ANKS3: variants seen among roughly 807,000 people sequenced by gnomAD.
ANKS3 encodes ankyrin repeat and SAM domain-containing protein 3.
In ANKS3, 62 loss-of-function variants were observed where a neutral mutation model predicts 80.7. The ratio of observed to expected loss-of-function variants is 0.77; its 90% CI spans 0.63 to 0.95. The LOEUF (loss-of-function observed/expected upper bound fraction) is 0.95, where lower values mean the gene tolerates loss of function less well. ANKS3 is among the 40% of genes least tolerant of loss of function. The pLI is 0.00. For missense variants in ANKS3, 1,150 were observed against 883.6 expected (o/e 1.30, Z -3.82); for synonymous variants, 489 against 355.3 (o/e 1.38, Z -4.23).
intron 7 of ANKS3, among the ~76,000 whole-genome samples, chr16:4,711,695 G>A (rs1253865483): frequency 1.3e-5 from 2 of 148,638 alleles, no homozygotes; most frequent in African/African-American, 5.0e-5. Context: ...TCCAGCCTGG[G>A]GAACAAGAGT....
Position 4,698,374 on chromosome 16 carries a change from G to A in ANKS3, c.1724+53C>T, listed in dbSNP as rs2079697093. On this transcript the variant is annotated intron_variant, in intron 14 of 17. Coordinates refer to ENST00000304283, the MANE Select transcript of ANKS3 (RefSeq NM_133450.4). ...GGAAAGGATGTGTGGGGGCCCAGGG[G>A]CCAGGTGGCTGACCACTGGAGACCC... is the stretch of plus-strand genomic sequence containing the variant. 1.9e-5 allele frequency: 27 copies of A among 1,437,572 alleles called. No homozygotes were observed. The South Asian group carries it at 3.2e-4, about 17-fold the overall frequency. 89.1% of individuals were successfully genotyped at this position (1,437,572 alleles called of 1,614,324 possible).
intron 6 of ANKS3, among the ~76,000 whole-genome samples, chr16:4,716,230 G>A (rs865932689): frequency 6.6e-6 from 1 of 151,620 alleles, no homozygotes; most frequent in Non-Finnish European, 1.5e-5. Context: ...CGTGGTGGTG[G>A]GCACCTGCAG....
intron 1 of ANKS3, 41 bp downstream of exon 1, chr16:4,733,897 G>A (rs893537749): frequency 1.0e-5 from 10 of 984,816 alleles, no homozygotes; most frequent in Non-Finnish European, 1.2e-5. Flanking sequence ...GTAGCTCACT[G>A]GCCCCGGGGC....
chr16:4,708,789 T>G (rs1438907922), intron 7 of ANKS3, among the ~76,000 whole-genome samples: 1 of 150,934 alleles, frequency 6.6e-6, no homozygotes, highest in Admixed American at 6.6e-5. Flanking sequence ...AAAAAAAAAA[T>G]TAGCCAGGTG....
rs1299840683 is a variant in ANKS3 at position 4,731,583 on chromosome 16, T to C, written c.-70-4A>G. 2.2e-6 allele frequency: 2 copies of C among 915,382 alleles called. No individual in the cohort carries two copies. Among genetic ancestry groups the C allele is most frequent in the African/African-American group, 1.8e-5 (1 of 55,898 alleles). 56.7% of individuals were successfully genotyped at this position (915,382 alleles called of 1,614,324 possible). The stretch of plus-strand genomic sequence containing the variant: ...GGCGTGAGCCACTGCACCTGGCCTG[T>C]AAATTTTAAATATAAATTAATTTTT... On this transcript the variant is annotated splice_region_variant and splice_polypyrimidine_tract_variant and intron_variant, in intron 1 of 17. Transcript: ENST00000304283.
rs144235548 is a variant in ANKS3 at position 4,705,580 on chromosome 16, T to C, written c.710-327A>G. 3.9e-3 allele frequency among the ~76,000 whole-genome samples: 597 copies of C among 152,128 alleles called. 3 individuals carry two copies. The highest frequency in any genetic ancestry group is 0.014 in the African/African-American group (564 of 41,544). ...CCTGGGTTCTAGCGATTCTCACGCC[T>C]CACCCTTCCAAGTAGCTGCGGTTAC... On this transcript the variant is annotated intron_variant, in intron 7 of 17. Coordinates refer to ENST00000304283, the MANE Select transcript of ANKS3 (RefSeq NM_133450.4).
chr16:4,714,990 C>CAAAAAAAAAAAAAAAAAAAA (rs753327026), intron 6 of ANKS3, among the ~76,000 whole-genome samples: 2 of 36,626 alleles, frequency 5.5e-5, no homozygotes, highest in African/African-American at 3.0e-4. Flanking sequence ...GACTCTGTCT[C>CAAAAAAAAAAAAAAAAAAAA]AAAAAAAAAA....
intron 7 of ANKS3, among the ~76,000 whole-genome samples, chr16:4,710,417 T>C (rs1418334256): frequency 6.6e-6 from 1 of 152,134 alleles, no homozygotes; most frequent in Non-Finnish European, 1.5e-5. Context: ...ATGAGATAAA[T>C]ATTTTCCAGG....
chr16:4,707,055 G>A (rs2080231810), intron 7 of ANKS3, among the ~76,000 whole-genome samples: 1 of 152,140 alleles, frequency 6.6e-6, no homozygotes, highest in Admixed American at 6.5e-5. Flanking sequence ...AGCACTCCAG[G>A]GAGACTGTGC....
intron 1 of ANKS3, among the ~76,000 whole-genome samples, 176 bp downstream of exon 1, chr16:4,733,761 AC>A (rs1441902990): frequency 2.6e-5 from 4 of 152,192 alleles, no homozygotes; most frequent in Non-Finnish European, 5.9e-5. Context: ...CTACGTACCC[AC>A]AAAAATTAAA....
intron 7 of ANKS3, among the ~76,000 whole-genome samples, chr16:4,706,767 G>A (rs193032563): frequency 8.9e-4 from 136 of 152,282 alleles, no homozygotes; most frequent in African/African-American, 3.1e-3. Flanking sequence ...TGGGTAAGCT[G>A]GGGCAGAAAT....
chr16:4,705,611 C>T (rs1040453328), intron 7 of ANKS3, among the ~76,000 whole-genome samples: 9 of 151,938 alleles, frequency 5.9e-5, no homozygotes, highest in South Asian at 2.1e-4. Flanking sequence ...GTTACAGATG[C>T]GTGCCACCAT....
At chr16:4,720,120 C>G (rs2081010943) in intron 6 of ANKS3, among the ~76,000 whole-genome samples, 1 of 136,130 alleles carries the variant, frequency 7.3e-6, no homozygotes, top group South Asian at 2.4e-4. Context: ...TGAGATCACA[C>G]CACTGTACTC....
At position 4,701,568 on chromosome 16, in the gene ANKS3, C is replaced by T. The variant is rs765469572; in HGVS notation, c.1010-25G>A. ...TCTGAGGGCGGGAAGACAGGGCGTC[C>T]GCCTGCAGCCCTCACCGAGGTGCTG... On this transcript the variant is annotated intron_variant, in intron 9 of 17. Transcript: ENST00000304283. 44 of 1,588,934 alleles carry T rather than the reference C, an allele frequency of 2.8e-5. No homozygotes were observed. In the African/African-American group the frequency reaches 4.2e-4, roughly 15 times the overall value.
intron 6 of ANKS3, among the ~76,000 whole-genome samples, chr16:4,721,629 T>TATTTATTG (rs1555474786): frequency 7.9e-5 from 4 of 50,822 alleles, no homozygotes; most frequent in Middle Eastern, 0.019. Context: ...TTTATTGATT[T>TATTTATTG]ATTTATTTAT....
At chr16:4,728,262 G>C (rs1002134849) in intron 3 of ANKS3, among the ~76,000 whole-genome samples, 1 of 152,130 alleles carries the variant, frequency 6.6e-6, no homozygotes, top group Non-Finnish European at 1.5e-5. Flanking sequence ...AGCCAGGATG[G>C]TCTCGATCTC....
chr16:4,699,614 C>T (rs182704147), intron 11 of ANKS3: 95 of 193,002 alleles, frequency 4.9e-4, no homozygotes, highest in Non-Finnish European at 8.1e-4. Flanking sequence ...ATGTAAGATC[C>T]GTGTTTCTGA....
intron 6 of ANKS3, among the ~76,000 whole-genome samples, chr16:4,722,054 T>A (rs933113662): frequency 6.6e-6 from 1 of 150,920 alleles, no homozygotes; most frequent in African/African-American, 2.4e-5. Context: ...ATTCCCAGAG[T>A]CGCCCGTGGG....
chr16:4,724,497 A>T (rs2081257320), intron 6 of ANKS3, among the ~76,000 whole-genome samples: 1 of 152,210 alleles, frequency 6.6e-6, no homozygotes, highest in Non-Finnish European at 1.5e-5. Context: ...TTACTTTTAA[A>T]ATATTTTTCC....
Sources: allele counts gnomAD v4.1 joint callset (sites outside exome capture counted in the v4.1 genomes callset), GRCh38; gene constraint gnomAD v4.1.1; transcripts MANE v1.5; gene names NCBI Gene and HGNC (gene_info 2026-07-23, HGNC 2026-07-21).